LPIN2: variants seen among roughly 807,000 people sequenced by gnomAD.
LPIN2 encodes phosphatidate phosphatase LPIN2.
Under a neutral mutation model 111.4 loss-of-function variants are expected in LPIN2, and 55 were observed. That is an observed-to-expected ratio of 0.49 (90% CI 0.40 to 0.62). The LOEUF is 0.62. LPIN2 is among the 20% of genes least tolerant of loss of function. The probability of loss-of-function intolerance (pLI) is 0.00; values close to 1 mark genes in which losing one functional copy is unlikely to be tolerated. For synonymous variants in LPIN2, 425 were observed against 414.0 expected (o/e 1.03, Z -0.32); for missense variants, 992 against 1,112.1 (o/e 0.89, Z 1.54).
rs779973175 is a variant in LPIN2 at position 2,939,477 on chromosome 18, T to A, written c.822+3A>T. The A allele has an allele frequency of 6.2e-7, 1 of 1,613,640 alleles. No homozygotes were observed. The highest frequency in any genetic ancestry group is 8.5e-7 in the Non-Finnish European group (1 of 1,179,648). ...CTTTCCACAGGCAAGTAAACCCTAG[T>A]ACCTTGGTGGACTCTGGGAATCCGC... On this transcript the variant is annotated splice_donor_region_variant and intron_variant, in intron 6 of 19. Coordinates refer to ENST00000677752, the MANE Select transcript of LPIN2 (RefSeq NM_001375808.2).
intron 1 of LPIN2, among the ~76,000 whole-genome samples, chr18:3,004,124 C>G (rs998514372): frequency 6.6e-6 from 1 of 152,148 alleles, no homozygotes; most frequent in African/African-American, 2.4e-5. Context: ...GTTCTCTGCT[C>G]TTGAACCCTG....
intron 8 of LPIN2, among the ~76,000 whole-genome samples, chr18:2,933,267 G>A (rs2077238183): frequency 1.3e-5 from 2 of 152,176 alleles, no homozygotes; most frequent in African/African-American, 2.4e-5. Flanking sequence ...GTAGAGTGGA[G>A]TAAGGTATCA....
intron 2 of LPIN2, among the ~76,000 whole-genome samples, chr18:2,958,163 A>AAAAAAAAAAAAAAAAAG (rs1568571278): frequency 7.0e-6 from 1 of 142,664 alleles, no homozygotes. Flanking sequence ...AAAAACAACA[A>AAAAAAAAAAAAAAAAAG]AAAAAAAAAA....
In LPIN2 at chr18:2,925,533, T is replaced by C. The variant is rs1310602549; in HGVS notation, c.1794-165A>G. 1.3e-5 allele frequency among the ~76,000 whole-genome samples: 2 copies of C among 152,142 alleles called. No homozygotes were observed. Among genetic ancestry groups the C allele is most frequent in the East Asian group, 1.9e-4 (1 of 5,198 alleles). On this transcript the variant is annotated intron_variant, in intron 13 of 19. Transcript: ENST00000677752. The surrounding 1 kb of genome is among the most constrained non-coding windows in gnomAD (Gnocchi z 4.1). Reference sequence around the variant, plus strand: ...TATCCACAGCTCTGTACGCCTGAAATATTCATATTGTTAACTGATAAGGCC... The same window carrying C: ...TATCCACAGCTCTGTACGCCTGAAACATTCATATTGTTAACTGATAAGGCC...
At chr18:2,952,289 G>A (rs942846123) in intron 3 of LPIN2, among the ~76,000 whole-genome samples, 3 of 152,102 alleles carry the variant, frequency 2.0e-5, no homozygotes, top group African/African-American at 4.8e-5. Flanking sequence ...AGCTGGGCCT[G>A]GTGATGCATG....
intron 1 of LPIN2, among the ~76,000 whole-genome samples, chr18:3,004,239 A>G (rs1343498253): frequency 1.3e-5 from 2 of 152,194 alleles, no homozygotes; most frequent in Non-Finnish European, 2.9e-5. Context: ...TGCCCTTTGA[A>G]GCATGGGATC....
At chr18:2,921,302 G>T in intron 18 of LPIN2, 1 of 600,464 alleles carries the variant, frequency 1.7e-6, no homozygotes, top group African/African-American at 1.9e-5. Context: ...GGCAGCCACA[G>T]AAACGATGGA....
chr18:3,000,025 G>GT (rs778863362), intron 1 of LPIN2, among the ~76,000 whole-genome samples: 700 of 25,856 alleles, frequency 0.027, 9 homozygotes, highest in African/African-American at 0.039. Context: ...CCCTATCTCT[G>GT]TTTTGTTTTT....
intron 1 of LPIN2, among the ~76,000 whole-genome samples, chr18:2,986,071 C>G (rs1291062656): frequency 6.6e-6 from 1 of 151,290 alleles, no homozygotes. Context: ...CATTTAGAGC[C>G]AAATGGCTCT....
chr18:2,932,474 T>C (rs1044106083), intron 8 of LPIN2, among the ~76,000 whole-genome samples: 2 of 152,188 alleles, frequency 1.3e-5, no homozygotes, highest in Non-Finnish European at 2.9e-5. Context: ...TTTGGATATT[T>C]TTTCCTCTTA....
chr18:2,954,735 G>A (rs551883722), intron 2 of LPIN2, 136 bp from the exon 3 acceptor site: 4 of 721,170 alleles, frequency 5.5e-6, no homozygotes, highest in Non-Finnish European at 9.9e-6. Context: ...GAGAAACACT[G>A]CTACTTGCCC....
chr18:2,934,905 C>T (rs1024785724), intron 7 of LPIN2, among the ~76,000 whole-genome samples: 2 of 152,030 alleles, frequency 1.3e-5, no homozygotes, highest in African/African-American at 4.8e-5. Flanking sequence ...TACAAAAGGA[C>T]AAAAAATACT....
At chr18:2,991,947 G>T (rs2078271776) in intron 1 of LPIN2, among the ~76,000 whole-genome samples, 1 of 151,706 alleles carries the variant, frequency 6.6e-6, no homozygotes, top group African/African-American at 2.4e-5. Flanking sequence ...GGCAGAGGTT[G>T]CAGTGAGCTG....
chr18:3,002,399 A>G (rs140787993), intron 1 of LPIN2, among the ~76,000 whole-genome samples: 21 of 152,318 alleles, frequency 1.4e-4, no homozygotes, highest in African/African-American at 5.1e-4. Context: ...AAAACATTAG[A>G]GGCCTTATGA....
intron 1 of LPIN2, among the ~76,000 whole-genome samples, chr18:2,971,051 T>C (rs144995324): frequency 1.3e-5 from 2 of 152,320 alleles, no homozygotes; most frequent in Middle Eastern, 3.4e-3. Flanking sequence ...AACGACAGTG[T>C]CTACTTCAGC....
At chr18:2,994,817 G>C (rs1188942691) in intron 1 of LPIN2, among the ~76,000 whole-genome samples, 2 of 152,142 alleles carry the variant, frequency 1.3e-5, no homozygotes, top group Non-Finnish European at 2.9e-5. Context: ...GGCGGTGTGT[G>C]GGCAAAATTG....
chr18:2,926,832 C>A, intron 12 of LPIN2, 27 bp from the exon 13 acceptor site: 6 of 1,594,466 alleles, frequency 3.8e-6, no homozygotes, highest in Non-Finnish European at 5.2e-6. Flanking sequence ...ATAATGGCAA[C>A]ATGCAATTTT....
At chr18:2,976,337 C>G (rs1174746186) in intron 1 of LPIN2, among the ~76,000 whole-genome samples, 3 of 152,140 alleles carry the variant, frequency 2.0e-5, no homozygotes, top group African/African-American at 7.2e-5. Context: ...AAGGTGGCAG[C>G]TACTAAATTA....
intron 1 of LPIN2, among the ~76,000 whole-genome samples, chr18:2,973,332 C>T (rs2077954468): frequency 6.6e-6 from 1 of 152,202 alleles, no homozygotes; most frequent in South Asian, 2.1e-4. Context: ...CTCCAAAATG[C>T]CCAAACCCAT....
Sources: gnomAD v4.1 joint callset for allele counts (sites outside exome capture counted in the v4.1 genomes callset) on GRCh38, gnomAD v4.1.1 for gene constraint, Gnocchi (gnomAD v3.1) non-coding constraint, MANE v1.5 for transcripts, NCBI Gene and HGNC (gene_info 2026-07-23, HGNC 2026-07-21) for gene names.